CHCHD2: variants seen among roughly 807,000 people sequenced by gnomAD.
CHCHD2 encodes coiled-coil-helix-coiled-coil-helix domain containing 2.
Under a neutral mutation model 17.5 loss-of-function variants are expected in CHCHD2, and 17 were observed. The ratio of observed to expected loss-of-function variants is 0.97; its 90% confidence interval spans 0.67 to 1.46. The LOEUF (loss-of-function observed/expected upper bound fraction) is 1.46. Among genes scored for constraint, CHCHD2 ranks in the 40% most tolerant of loss-of-function variants. CHCHD2 has a pLI of 0.00. For synonymous variants in CHCHD2, 63 were observed against 74.3 expected (o/e 0.85, Z 0.78); for missense variants, 175 against 199.9 (o/e 0.88, Z 0.75).
intron 1 of CHCHD2, among the ~76,000 whole-genome samples, 177 bp from the exon 2 acceptor site, chr7:56,104,652 G>A (rs1785351459): frequency 6.7e-6 from 1 of 150,292 alleles, no homozygotes; most frequent in African/African-American, 2.5e-5. Context: ...TTGTTGCCCA[G>A]GCTGGAGTGC....
In CHCHD2 at chr7:56,106,365, TGGCCGGAGG is replaced by T. The variant is rs1785384480; in HGVS notation, c.40_48del (p.Pro14_Ala16del). On this transcript the variant is annotated inframe_deletion and splice_region_variant, in exon 1 of 4. Coordinates refer to ENST00000395422, the MANE Select transcript of CHCHD2 (RefSeq NM_016139.4). ...TCTCAAACCCTGCGATGGTCTCACC[TGGCCGGAGG>T]GGCCATGCGGGAGGTGCGGCTTCGG... 6.2e-7 allele frequency: 1 copy of T among 1,613,216 alleles called. No homozygotes were observed. The highest frequency in any genetic ancestry group is 1.7e-5 in the Admixed American group (1 of 59,922).
chr7:56,104,112 A>ACAGCACAG, intron 2 of CHCHD2, 114 bp downstream of exon 2: 1 of 1,413,480 alleles, frequency 7.1e-7, no homozygotes, highest in Non-Finnish European at 9.9e-7. Flanking sequence ...TTGTCTATTA[A>ACAGCACAG]CAGCACAGTG....
At chr7:56,102,692 C>A (rs1785309213) in intron 3 of CHCHD2, 175 bp downstream of exon 3, 5 of 674,518 alleles carry the variant, frequency 7.4e-6, no homozygotes, top group Non-Finnish European at 1.2e-5. Context: ...GAAGAAAATT[C>A]AGAAAATTAC....
At chr7:56,106,190 C>T (rs1470611176) in intron 1 of CHCHD2, among the ~76,000 whole-genome samples, 174 bp downstream of exon 1, 1 of 152,158 alleles carries the variant, frequency 6.6e-6, no homozygotes, top group East Asian at 1.9e-4. Flanking sequence ...AAGTGAATTC[C>T]CTCCCCACAC....
intron 2 of CHCHD2, among the ~76,000 whole-genome samples, chr7:56,103,571 G>C (rs1370064668): frequency 1.3e-5 from 2 of 152,178 alleles, no homozygotes. Context: ...TGGGATTATA[G>C]GCATGAGCCT....
intron 3 of CHCHD2, among the ~76,000 whole-genome samples, chr7:56,102,318 A>C (rs1289936602): frequency 6.6e-6 from 1 of 151,578 alleles, no homozygotes; most frequent in Non-Finnish European, 1.5e-5. Context: ...CAGTAATCAC[A>C]GTAAGATCTG....
At chr7:56,102,806 T>G in intron 3 of CHCHD2, 61 bp downstream of exon 3, 1 of 1,570,630 alleles carries the variant, frequency 6.4e-7, no homozygotes. Context: ...TACCCTAAGT[T>G]CTACAGGATC....
At chr7:56,102,348 CTTT>C (rs57427081) in intron 3 of CHCHD2, among the ~76,000 whole-genome samples, 5 of 145,068 alleles carry the variant, frequency 3.4e-5, no homozygotes, top group African/African-American at 1.3e-4. Flanking sequence ...TTTATACCTT[CTTT>C]TTTTTTTTTT....
rs748437721 is a variant in CHCHD2 at position 56,102,974 on chromosome 7, G to GGCTGCT, written c.332_337dup (p.Gln111_Gln112dup). On this transcript the variant is annotated inframe_insertion, in exon 3 of 4. Coordinates refer to ENST00000395422, the MANE Select transcript of CHCHD2 (RefSeq NM_016139.4). ...AAACTGTTTGATCTCATAGAGGCAA[G>GGCTGCT]GCTGCTGCTGCTGTGCTGGCTGGGT... The GGCTGCT allele has an allele frequency of 2.7e-5, 43 of 1,614,200 alleles. No homozygotes were observed. Among genetic ancestry groups the GGCTGCT allele is most frequent in the Non-Finnish European group, 3.6e-5 (42 of 1,180,016 alleles).
chr7:56,104,276 A>C lies in CHCHD2; in HGVS notation c.250T>G (p.Phe84Val). The part of the protein sequence containing the change: ...HTLGHAITGG[F>V]SGGSNAEPAR... ...GGCTCAGCATTACTTCCTCCACTGA[A>C]GCCCCCAGTAATGGCGTGACCCAAT... The change falls in exon 2 of 4, where the codon TTC (phenylalanine) becomes GTC (valine). Residue 84 changes from phenylalanine (F) to valine (V), a missense_variant. Transcript: ENST00000395422. 1 of 1,613,760 alleles carries C rather than the reference A, an allele frequency of 6.2e-7. No homozygotes were observed. The highest frequency in any genetic ancestry group is 8.5e-7 in the Non-Finnish European group (1 of 1,179,676).
At chr7:56,102,131 C>T (rs1231806201) in intron 3 of CHCHD2, among the ~76,000 whole-genome samples, 2 of 152,140 alleles carry the variant, frequency 1.3e-5, no homozygotes, top group East Asian at 3.9e-4. Context: ...CTGAAGGCAT[C>T]CTACAACTAA....
rs1785287430 is a variant in CHCHD2 at position 56,101,670 on chromosome 7, A to G, written c.*181T>C. 1.8e-6 allele frequency: 1 copy of G among 562,008 alleles called. No individual in the cohort carries two copies. Among genetic ancestry groups the G allele is most frequent in the Non-Finnish European group, 3.2e-6 (1 of 312,488 alleles). The allele number at this position is 562,008 out of a possible 1,614,324, so 34.8% of individuals were successfully genotyped here. A position where few individuals can be genotyped will look rare whatever the true frequency, so the allele number is the denominator to read the frequency against. ...GCCACACAAACATTTGCCCAGTCCC[A>G]GATTCTACAGAGTAGGGACACCCCC... is the stretch of plus-strand genomic sequence containing the variant. On this transcript the variant is annotated 3_prime_UTR_variant, in exon 4 of 4. Transcript: ENST00000395422.
intron 3 of CHCHD2, 138 bp from the exon 4 acceptor site, chr7:56,101,999 T>TA (rs1469892542): frequency 2.0e-5 from 16 of 810,722 alleles, no homozygotes; most frequent in Non-Finnish European, 2.8e-5. Flanking sequence ...TGATAAAAAA[T>TA]AGAGATGAGG....
chr7:56,102,346 TTC>T (rs1368141523), intron 3 of CHCHD2, among the ~76,000 whole-genome samples: 2 of 107,156 alleles, frequency 1.9e-5, no homozygotes, highest in African/African-American at 8.6e-5. Flanking sequence ...GATTTATACC[TTC>T]TTTTTTTTTT....
chr7:56,102,889 C>T lies in CHCHD2; in HGVS notation c.423G>A (p.Leu141=), dbSNP rs377573135. ...IKLCEGFNEV[L]KQCRLANGLA Reference sequence around the variant, plus strand: ...TACCGTTTGCAAGTCGGCACTGTTTCAGCACCTCATTGAAACCCTCACAGA... The same window carrying T: ...TACCGTTTGCAAGTCGGCACTGTTTTAGCACCTCATTGAAACCCTCACAGA... The change falls in exon 3 of 4, where the codon CTG becomes CTA. Residue 141 remains leucine (L), a synonymous_variant. Transcript: ENST00000395422. 1.4e-5 allele frequency: 23 copies of T among 1,613,910 alleles called. 1 individual carries two copies. The East Asian group carries it at 1.8e-4, about 13-fold the overall frequency.
At chr7:56,102,348 C>CTTTTTTT (rs57427081) in intron 3 of CHCHD2, among the ~76,000 whole-genome samples, 1 of 145,068 alleles carries the variant, frequency 6.9e-6, no homozygotes, top group Non-Finnish European at 1.5e-5. Context: ...TTTATACCTT[C>CTTTTTTT]TTTTTTTTTT....
At chr7:56,103,601 A>C (rs1785325150) in intron 2 of CHCHD2, among the ~76,000 whole-genome samples, 1 of 152,218 alleles carries the variant, frequency 6.6e-6, no homozygotes, top group African/African-American at 2.4e-5. Flanking sequence ...GCCAAAAGTG[A>C]AAATATTTAA....
chr7:56,102,079 A>G (rs1277639366), intron 3 of CHCHD2, among the ~76,000 whole-genome samples: 1 of 151,784 alleles, frequency 6.6e-6, no homozygotes. Context: ...GGCCTTCCAG[A>G]GTGCTGGGTT....
At chr7:56,104,034 T>C (rs989397812) in intron 2 of CHCHD2, among the ~76,000 whole-genome samples, 192 bp downstream of exon 2, 2 of 152,214 alleles carry the variant, frequency 1.3e-5, no homozygotes, top group East Asian at 1.9e-4. Flanking sequence ...AGAAACACAA[T>C]TTGTACAGTA....
Sources: gnomAD v4.1 joint callset for allele counts (sites outside exome capture counted in the v4.1 genomes callset) on GRCh38, gnomAD v4.1.1 for gene constraint, MANE v1.5 for transcripts, NCBI Gene and HGNC (gene_info 2026-07-23, HGNC 2026-07-21) for gene names.